Variants in TMC8 observed in about 807,000 individuals in gnomAD.
TMC8 encodes the protein transmembrane channel like 8.
In TMC8, 71 loss-of-function variants were observed where a neutral mutation model predicts 76.0. The ratio of observed to expected loss-of-function variants is 0.93; its 90% confidence interval spans 0.77 to 1.14. The LOEUF (loss-of-function observed/expected upper bound fraction) is 1.14. Ranked by LOEUF, TMC8 falls within the 50% of genes most tolerant of loss-of-function variation. TMC8 has a pLI of 0.00. For synonymous variants in TMC8, 433 were observed against 433.8 expected (o/e 1.00, Z 0.02); for missense variants, 924 against 947.9 (o/e 0.97, Z 0.33).
At chr17:78,131,851 C>T (rs1189116030) in intron 2 of TMC8, 31 bp from the exon 3 acceptor site, 1 of 1,469,268 alleles carries the variant, frequency 6.8e-7, no homozygotes, top group East Asian at 2.5e-5. Flanking sequence ...GCGGGTGACT[C>T]AGGGGCGCCC....
chr17:78,132,595 C>G (rs2075047938), intron 4 of TMC8, 87 bp downstream of exon 4: 1 of 1,546,228 alleles, frequency 6.5e-7, no homozygotes, highest in Admixed American at 1.9e-5. Flanking sequence ...GTGGCGACAA[C>G]GCTGGGCGTG....
In TMC8 at chr17:78,131,633, G is replaced by A. The variant is rs1305112464; in HGVS notation, c.45G>A (p.Val15=). 7 of 1,554,244 alleles carry A rather than the reference G, an allele frequency of 4.5e-6. No homozygotes were observed. The highest frequency in any genetic ancestry group is 6.1e-6 in the Non-Finnish European group (7 of 1,150,244). Residue 15 remains valine, a synonymous_variant, in exon 2 of 16, where the codon GTG becomes GTA. Coordinates refer to ENST00000318430, the MANE Select transcript of TMC8 (RefSeq NM_152468.5). ...RSVSSERAPG[V]PEPEELWEAE... is the part of the protein sequence containing the mutation. ...TGTCATCGGAGCGGGCCCCTGGGGT[G>A]CCGGAGCCGGAGGAGCTGTGGGAGG...
At chr17:78,132,895 G>T (rs2075067529) in intron 5 of TMC8, 25 bp downstream of exon 5, 1 of 1,613,358 alleles carries the variant, frequency 6.2e-7, no homozygotes, top group Non-Finnish European at 8.5e-7. Flanking sequence ...TCCCGGCTAT[G>T]GTCCAGAGTC....
chr17:78,139,111 G>C lies in TMC8; in HGVS notation c.1824-51G>C. ...GTGGGGAGAGAGGAAGTCAGGGAGAGGCGCCTGTGGCCCCAGGGGCAACTG... is the reference window on the plus strand; with the variant it reads ...GTGGGGAGAGAGGAAGTCAGGGAGACGCGCCTGTGGCCCCAGGGGCAACTG... On this transcript the variant is annotated intron_variant, in intron 14 of 15. Coordinates refer to ENST00000318430, the MANE Select transcript of TMC8 (RefSeq NM_152468.5). 6 of 1,608,966 alleles carry C rather than the reference G, an allele frequency of 3.7e-6. No individual in the cohort carries two copies. The South Asian group carries it at 4.4e-5, about 12-fold the overall frequency.
At position 78,140,955 on chromosome 17, in the gene TMC8, G is replaced by T; in HGVS notation, c.2024G>T (p.Cys675Phe). The change falls in exon 16 of 16, where the codon TGC becomes TTC. Residue 675 changes from cysteine to phenylalanine, a missense_variant. Transcript: ENST00000318430. ...ASQASRPQSF[C>F]PGCPCPGSPG... Reference sequence around the variant, plus strand: ...CAAGCTTCGCGCCCGCAGTCCTTCTGCCCCGGATGCCCATGCCCTGGCTCC... The same window carrying T: ...CAAGCTTCGCGCCCGCAGTCCTTCTTCCCCGGATGCCCATGCCCTGGCTCC... 1 of 1,593,156 alleles carries T rather than the reference G, an allele frequency of 6.3e-7. No individual in the cohort carries two copies. The highest frequency in any genetic ancestry group is 8.5e-7 in the Non-Finnish European group (1 of 1,170,620).
chr17:78,139,353 G>A, intron 15 of TMC8, 113 bp downstream of exon 15: 1 of 1,203,678 alleles, frequency 8.3e-7, no homozygotes, highest in Non-Finnish European at 1.2e-6. Context: ...CTTCCCACTG[G>A]AGGGCGTGGC....
At chr17:78,132,228 G>C in intron 3 of TMC8, 131 bp from the exon 4 acceptor site, 6 of 1,388,824 alleles carry the variant, frequency 4.3e-6, no homozygotes, top group Middle Eastern at 2.1e-4. Flanking sequence ...ACTGTCAGCG[G>C]TACCTCCGGA....
Position 78,137,357 on chromosome 17 carries a change from A to AGGT in TMC8, c.1251+2_1251+4dup. On this transcript the variant is annotated inframe_insertion and splice_region_variant, in exon 10 of 16. Transcript: ENST00000318430. Reference sequence around the variant, plus strand: ...TACGGCTACAACGTTTGTGACTATCAGGTGGCTGGCAGCCCGGCGGGGCCT... The same window carrying AGGT: ...TACGGCTACAACGTTTGTGACTATCAGGTGGTGGCTGGCAGCCCGGCGGGGCCT... 1 of 1,613,904 alleles carries AGGT rather than the reference A, an allele frequency of 6.2e-7. No individual in the cohort carries two copies. Among genetic ancestry groups the AGGT allele is most frequent in the Non-Finnish European group, 8.5e-7 (1 of 1,179,986 alleles).
chr17:78,138,347 A>G lies in TMC8; in HGVS notation c.1534-2A>G, dbSNP rs759485455. 6.2e-7 allele frequency: 1 copy of G among 1,610,742 alleles called. No homozygotes were observed. Among genetic ancestry groups the G allele is most frequent in the Non-Finnish European group, 8.5e-7 (1 of 1,179,976 alleles). Reference sequence around the variant, plus strand: ...CCTGGTTGCTATTGCTTGCGCCCCCAGTACACCCTCCTGAAGAACTCCAGG... The same window carrying G: ...CCTGGTTGCTATTGCTTGCGCCCCCGGTACACCCTCCTGAAGAACTCCAGG... On this transcript the variant is annotated splice_acceptor_variant, in intron 12 of 15. Coordinates refer to ENST00000318430, the MANE Select transcript of TMC8 (RefSeq NM_152468.5). LOFTEE classifies it high-confidence loss of function.
intron 4 of TMC8, 32 bp downstream of exon 4, chr17:78,132,540 C>T (rs1399159212): frequency 1.3e-6 from 2 of 1,596,684 alleles, no homozygotes; most frequent in East Asian, 2.3e-5. Flanking sequence ...GGAAGTGCTC[C>T]GGTGCCCACC....
rs189345871 is a variant in TMC8, at chr17:78,131,380, C to G, written c.-209C>G. ...AGGATTCTCTCTCATTTCTGAGCCC[C>G]GGAGGTGGCAGAGCGGCAGACCCGG... On this transcript the variant is annotated 5_prime_UTR_variant, in exon 2 of 16. Coordinates refer to ENST00000318430, the MANE Select transcript of TMC8 (RefSeq NM_152468.5). The G allele has an allele frequency of 4.5e-6, 3 of 663,512 alleles. No individual in the cohort carries two copies. The highest frequency in any genetic ancestry group is 3.7e-5 in the South Asian group (2 of 53,592). The allele number at this position is 663,512 out of a possible 1,614,324, so 41.1% of individuals were successfully genotyped here.
In TMC8 at chr17:78,131,269, C is replaced by A; in HGVS notation, c.-308-12C>A. Reference sequence around the variant, plus strand: ...TTTCTGTGCCCTTTGGATCTTTCACCCCATTTGACAGATGGGGAGACTGAG... The same window carrying A: ...TTTCTGTGCCCTTTGGATCTTTCACACCATTTGACAGATGGGGAGACTGAG... On this transcript the variant is annotated splice_polypyrimidine_tract_variant and intron_variant, in intron 1 of 15. Transcript: ENST00000318430. The A allele has an allele frequency of 2.0e-6, 1 of 490,884 alleles. No individual in the cohort carries two copies. Among genetic ancestry groups the A allele is most frequent in the Non-Finnish European group, 3.7e-6 (1 of 268,678 alleles). The allele number at this position is 490,884 out of a possible 1,614,324, so 30.4% of individuals were successfully genotyped here.
chr17:78,137,563 T>C, intron 10 of TMC8, 154 bp from the exon 11 acceptor site: 1 of 1,117,768 alleles, frequency 8.9e-7, no homozygotes, highest in South Asian at 1.3e-5. Context: ...GGCTTCCTGC[T>C]CTAATCCCAT....
rs1350047444 is a variant in TMC8, at chr17:78,141,128, C to T, written c.*16C>T. ...GGAGCTGTAACCCCTACCCCTGCCT[C>T]CCCGAAGCCTCCCTGGGGCCCCTTC... On this transcript the variant is annotated 3_prime_UTR_variant, in exon 16 of 16. Transcript: ENST00000318430. The T allele has an allele frequency of 6.5e-7, 1 of 1,534,952 alleles. No individual in the cohort carries two copies. Among genetic ancestry groups the T allele is most frequent in the Non-Finnish European group, 8.7e-7 (1 of 1,149,432 alleles).
At chr17:78,138,940 G>T in intron 14 of TMC8, 1 of 1,536,648 alleles carries the variant, frequency 6.5e-7, no homozygotes, top group Non-Finnish European at 8.7e-7. Flanking sequence ...ACCGTGTCTG[G>T]GTGGCTGCAG....
chr17:78,137,523 C>T (rs1031968133), intron 10 of TMC8, 165 bp downstream of exon 10: 7 of 1,318,784 alleles, frequency 5.3e-6, no homozygotes, highest in Non-Finnish European at 7.5e-6. Flanking sequence ...ACTGCTGCCA[C>T]ATGGTGTAGT....
intron 12 of TMC8, 66 bp downstream of exon 12, chr17:78,138,254 CCTCCTG>C (rs1223391031): frequency 5.6e-6 from 9 of 1,612,298 alleles, no homozygotes; most frequent in South Asian, 2.2e-5. Context: ...GCTGGGCTCG[CCTCCTG>C]CTCCTGCTCC....
chr17:78,133,739 C>G (rs1598906924), intron 6 of TMC8, 114 bp from the exon 7 acceptor site: 1 of 1,563,984 alleles, frequency 6.4e-7, no homozygotes, highest in East Asian at 2.3e-5. Flanking sequence ...CCTCACTCAC[C>G]AGGACCTGCA....
At position 78,140,766 on chromosome 17, in the gene TMC8, G is replaced by C. The variant is rs1441080266; in HGVS notation, c.1903-68G>C. 4.5e-6 allele frequency: 7 copies of C among 1,553,672 alleles called. No homozygotes were observed. The East Asian group carries it at 1.4e-4, about 32-fold the overall frequency. On this transcript the variant is annotated intron_variant, in intron 15 of 15. Transcript: ENST00000318430. ...GCCCATGGGCCGCAGAGTTGCTGCCGCTGCTGTCCTCACACCCGCTCGTGG... is the reference window on the plus strand; with the variant it reads ...GCCCATGGGCCGCAGAGTTGCTGCCCCTGCTGTCCTCACACCCGCTCGTGG...
Sources: allele counts gnomAD v4.1 joint callset, GRCh38; gene constraint gnomAD v4.1.1; transcripts MANE v1.5; gene names NCBI Gene and HGNC (gene_info 2026-07-23, HGNC 2026-07-21).